The following GPR160 variants were observed in gnomAD, a reference collection of about 807,000 sequenced individuals.
GPR160 encodes G protein-coupled receptor 160.
Under a neutral mutation model 2.6 loss-of-function variants are expected in GPR160, and 2 were observed. That is an observed-to-expected ratio of 0.77 (90% CI 0.32 to 2.44). GPR160 has a LOEUF of 2.44. GPR160 is among the 30% of genes most tolerant of loss of function. The probability of loss-of-function intolerance (pLI) is 0.11; values close to 1 mark genes in which losing one functional copy is unlikely to be tolerated. For synonymous variants in GPR160, 130 were observed against 132.2 expected, an observed-to-expected ratio of 0.98 and a Z score of 0.12; for missense variants, 351 against 383.6, an observed-to-expected ratio of 0.91 and a Z score of 0.71.
chr3:170,040,556 T>G (rs1289210789), intron 2 of GPR160, among the ~76,000 whole-genome samples: 1 of 152,208 alleles, frequency 6.6e-6, no homozygotes, highest in African/African-American at 2.4e-5. Flanking sequence ...CAAAGGGCAT[T>G]AGCAAGCCTG....
rs1056682275 is a variant in GPR160, at chr3:170,038,922, C to G, written c.-314C>G. On this transcript the variant is annotated 5_prime_UTR_variant, in exon 2 of 4. Coordinates refer to ENST00000355897, the MANE Select transcript of GPR160 (RefSeq NM_014373.3). This position sits in a 1 kb window ranked among gnomAD's most constrained non-coding sequence, Gnocchi z 5.3. ...CTTTTCTCACCTGCGCAGGTGGCCTCGAGGTGGTGGCAGGGCCGCCCCCTG... is the reference window on the plus strand; with the variant it reads ...CTTTTCTCACCTGCGCAGGTGGCCTGGAGGTGGTGGCAGGGCCGCCCCCTG... The G allele has an allele frequency of 6.6e-6, 1 of 152,056 alleles. No individual in the cohort carries two copies. The highest frequency in any genetic ancestry group is 1.5e-5 in the Non-Finnish European group (1 of 68,032). The allele number at this position is 152,056 out of a possible 1,614,324, so 9.4% of individuals were successfully genotyped here.
At chr3:170,041,422 C>T (rs573485209) in intron 2 of GPR160, among the ~76,000 whole-genome samples, 3 of 151,816 alleles carry the variant, frequency 2.0e-5, no homozygotes, top group Non-Finnish European at 4.4e-5. Context: ...CTGCCTCAGC[C>T]TCCCGAGCAG....
rs368019452 is a variant in GPR160 at position 170,045,408 on chromosome 3, C to CAAAAAAAAAAAAAAAAAAA, written c.-193+6386_-193+6404dup. On this transcript the variant is annotated intron_variant, in intron 2 of 3. Transcript: ENST00000355897. Reference sequence around the variant, plus strand: ...TGAAACCCTGTCTCTACTAAAAATACAAAAAAAAAAAAAAAAAAAAAAAAA... The same window carrying CAAAAAAAAAAAAAAAAAAA: ...TGAAACCCTGTCTCTACTAAAAATACAAAAAAAAAAAAAAAAAAAAAAAAAAAAAAAAAAAAAAAAAAAA... 3.0e-4 allele frequency among the ~76,000 whole-genome samples: 10 copies of CAAAAAAAAAAAAAAAAAAA among 33,656 alleles called. 1 individual carries two copies. Among genetic ancestry groups the CAAAAAAAAAAAAAAAAAAA allele is most frequent in the East Asian group, 8.7e-4 (1 of 1,156 alleles). The allele number at this position is 33,656 out of a possible 152,430, so 22.1% of individuals were successfully genotyped here. A position where few individuals can be genotyped will look rare whatever the true frequency, so the allele number is the denominator to read the frequency against.
chr3:170,070,054 G>C (rs1282428545), intron 2 of GPR160, among the ~76,000 whole-genome samples: 1 of 152,110 alleles, frequency 6.6e-6, no homozygotes, highest in Non-Finnish European at 1.5e-5. Flanking sequence ...AGTCACATTT[G>C]GAGGTGCTGG....
intron 3 of GPR160, among the ~76,000 whole-genome samples, chr3:170,082,762 ATTT>A (rs536711258): frequency 7.1e-6 from 1 of 140,950 alleles, no homozygotes; most frequent in African/African-American, 2.6e-5. Context: ...TGCCCAGGTA[ATTT>A]TTTTTTTTTT....
At chr3:170,078,835 A>G in intron 2 of GPR160, among the ~76,000 whole-genome samples, 1 of 152,230 alleles carries the variant, frequency 6.6e-6, no homozygotes, top group East Asian at 1.9e-4. Context: ...GGGGAGATGT[A>G]GATCAGTCAG....
chr3:170,044,249 A>G (rs971646804), intron 2 of GPR160, among the ~76,000 whole-genome samples: 3 of 134,022 alleles, frequency 2.2e-5, no homozygotes, highest in African/African-American at 8.6e-5. Context: ...ACTTGAACTC[A>G]GGGGGCGGAG....
intron 3 of GPR160, among the ~76,000 whole-genome samples, chr3:170,080,358 T>C (rs928951661): frequency 3.9e-5 from 6 of 152,226 alleles, no homozygotes; most frequent in African/African-American, 1.4e-4. Context: ...CTATCGTAAA[T>C]TGGCCAAAAT....
Position 170,071,244 on chromosome 3 carries a change from G to T in GPR160, c.-192-8530G>T, listed in dbSNP as rs371081885. On this transcript the variant is annotated intron_variant, in intron 2 of 3. Coordinates refer to ENST00000355897, the MANE Select transcript of GPR160 (RefSeq NM_014373.3). ...GTTAGGAGGTATCTGGATCATGGGG[G>T]CAGATCCCTCATGAACGGCTTGGCA... Among the ~76,000 whole-genome samples, 5 of 152,176 alleles carry T rather than the reference G, an allele frequency of 3.3e-5. No individual in the cohort carries two copies. The East Asian group carries it at 5.8e-4, about 18-fold the overall frequency.
chr3:170,061,698 A>G (rs1167011309), intron 2 of GPR160, among the ~76,000 whole-genome samples: 2 of 152,114 alleles, frequency 1.3e-5, no homozygotes, highest in Non-Finnish European at 2.9e-5. Flanking sequence ...TTTCCATCTC[A>G]TCTACATATA....
chr3:170,075,193 A>G (rs199891256), intron 2 of GPR160, among the ~76,000 whole-genome samples: 1 of 152,180 alleles, frequency 6.6e-6, no homozygotes, highest in East Asian at 1.9e-4. Flanking sequence ...GTGCCATTGC[A>G]CTCCAGCCTG....
intron 2 of GPR160, among the ~76,000 whole-genome samples, chr3:170,059,351 T>A (rs974851292): frequency 6.6e-6 from 1 of 152,204 alleles, no homozygotes; most frequent in African/African-American, 2.4e-5. Flanking sequence ...AGAATTCAGA[T>A]AACTTTATAA....
At position 170,048,979 on chromosome 3, in the gene GPR160, C is replaced by T. The variant is rs183581138; in HGVS notation, c.-193+9936C>T. ...CCTGAGGCCACCACCTTACCAGTCACGGTGGGCTGGCATTAATTACCTCTG... is the reference window on the plus strand; with the variant it reads ...CCTGAGGCCACCACCTTACCAGTCATGGTGGGCTGGCATTAATTACCTCTG... On this transcript the variant is annotated intron_variant, in intron 2 of 3. Transcript: ENST00000355897. 1.3e-3 allele frequency among the ~76,000 whole-genome samples: 204 copies of T among 152,334 alleles called. 2 individuals carry two copies. Among genetic ancestry groups the T allele is most frequent in the Middle Eastern group, 3.4e-3 (1 of 294 alleles).
intron 2 of GPR160, among the ~76,000 whole-genome samples, chr3:170,071,637 CAAAA>C (rs149655088): frequency 6.6e-6 from 1 of 151,034 alleles, no homozygotes; most frequent in Admixed American, 6.6e-5. Flanking sequence ...ACTAAAAATA[CAAAA>C]AAAAATTAGC....
rs1713293307 is a variant in GPR160 at position 170,084,281 on chromosome 3, T to C, written c.309T>C (p.Phe103=). ...HICLFTQIIS[F]TYGFLHYPVF... is the part of the protein sequence containing the mutation. ...GCCTATTTACTCAAATTATTTCCTT[T>C]ACTTATGGCTTTTTGCATTATCCAG... The change falls in exon 4 of 4, where the codon TTT becomes TTC. Residue 103 remains phenylalanine (F), a synonymous_variant. Coordinates refer to ENST00000355897, the MANE Select transcript of GPR160 (RefSeq NM_014373.3). The C allele has an allele frequency of 1.2e-6, 2 of 1,609,012 alleles. No homozygotes were observed. Among genetic ancestry groups the C allele is most frequent in the Non-Finnish European group, 1.7e-6 (2 of 1,176,198 alleles).
intron 2 of GPR160, among the ~76,000 whole-genome samples, chr3:170,064,474 C>T (rs1374307990): frequency 6.0e-5 from 9 of 149,542 alleles, no homozygotes; most frequent in African/African-American, 2.2e-4. Context: ...GTGGCGGCCT[C>T]GACCCTCCCT....
intron 2 of GPR160, among the ~76,000 whole-genome samples, chr3:170,045,098 T>C (rs1576887332): frequency 6.6e-6 from 1 of 151,850 alleles, no homozygotes; most frequent in African/African-American, 2.4e-5. Flanking sequence ...ACGTGTGCCG[T>C]GGAGGAGAAT....
intron 2 of GPR160, among the ~76,000 whole-genome samples, chr3:170,043,822 T>C (rs1157271888): frequency 6.6e-6 from 1 of 151,902 alleles, no homozygotes; most frequent in African/African-American, 2.4e-5. Context: ...TGAGTGAGCG[T>C]TGAAAATTGG....
At chr3:170,062,561 A>G in intron 2 of GPR160, 1 of 773,904 alleles carries the variant, frequency 1.3e-6, no homozygotes, top group Non-Finnish European at 2.2e-6. Context: ...AGACGCCAGG[A>G]GAGGACCCCT....
Sources: allele counts gnomAD v4.1 joint callset (sites outside exome capture counted in the v4.1 genomes callset), GRCh38; gene constraint gnomAD v4.1.1; non-coding constraint Gnocchi (gnomAD v3.1); transcripts MANE v1.5; gene names NCBI Gene and HGNC (gene_info 2026-07-23, HGNC 2026-07-21).